Variants in ANKRD11 observed in about 807,000 individuals in gnomAD.
ANKRD11 encodes ankyrin repeat domain 11.
ANKRD11 carries 17 observed loss-of-function variants against 195.7 expected under a neutral mutation model. The ratio of observed to expected loss-of-function variants is 0.09; its 90% confidence interval spans 0.06 to 0.13. The LOEUF is 0.13. ANKRD11 is among the 10% of genes least tolerant of loss of function. The pLI is 1.00. For synonymous variants in ANKRD11, 1,953 were observed against 1,528.1 expected, an observed-to-expected ratio of 1.28 and a Z score of -6.49; for missense variants, 3,735 against 3,566.1, an observed-to-expected ratio of 1.05 and a Z score of -1.21.
At chr16:89,353,078 G>A (rs1232740916) in intron 2 of ANKRD11, among the ~76,000 whole-genome samples, 1 of 152,178 alleles carries the variant, frequency 6.6e-6, no homozygotes, top group African/African-American at 2.4e-5. Flanking sequence ...GGTGGCTCAC[G>A]CCTGTAATTA....
intron 3 of ANKRD11, among the ~76,000 whole-genome samples, chr16:89,308,176 T>C (rs930396092): frequency 1.8e-4 from 27 of 152,214 alleles, no homozygotes; most frequent in Admixed American, 3.3e-4. Flanking sequence ...CTTATGAACA[T>C]AGACAGGATA....
At chr16:89,428,850 T>G (rs2042844315) in intron 1 of ANKRD11, among the ~76,000 whole-genome samples, 1 of 152,128 alleles carries the variant, frequency 6.6e-6, no homozygotes, top group Non-Finnish European at 1.5e-5. Context: ...GCCAAGATCG[T>G]GCCAATGCAT....
At chr16:89,410,878 G>A (rs1416066080) in intron 2 of ANKRD11, among the ~76,000 whole-genome samples, 2 of 152,066 alleles carry the variant, frequency 1.3e-5, no homozygotes, top group African/African-American at 2.4e-5. Flanking sequence ...ACATGTGCGT[G>A]AACACGTGTT....
intron 1 of ANKRD11, among the ~76,000 whole-genome samples, chr16:89,422,747 C>T (rs968959764): frequency 6.6e-6 from 1 of 152,162 alleles, no homozygotes; most frequent in Admixed American, 6.5e-5. Flanking sequence ...TGGAAAGGAA[C>T]GGAAGTTCAA....
intron 2 of ANKRD11, among the ~76,000 whole-genome samples, chr16:89,383,481 T>C (rs2040754343): frequency 6.6e-6 from 1 of 152,186 alleles, no homozygotes; most frequent in Non-Finnish European, 1.5e-5. Context: ...TTCTGTCTCA[T>C]TCAAAACCTC....
intron 9 of ANKRD11, among the ~76,000 whole-genome samples, chr16:89,277,245 C>T (rs1033267449): frequency 5.9e-5 from 9 of 152,150 alleles, no homozygotes; most frequent in African/African-American, 9.7e-5. Context: ...CGAGCTCAAG[C>T]GAATGCACAG....
At chr16:89,370,230 G>A (rs979031544) in intron 2 of ANKRD11, among the ~76,000 whole-genome samples, 6 of 152,342 alleles carry the variant, frequency 3.9e-5, no homozygotes, top group African/African-American at 1.2e-4. Context: ...GGCGAGGGGA[G>A]CCCATGTCCA....
At chr16:89,462,050 CTCTCCCTCTCCCT>C (rs2056691951) in intron 1 of ANKRD11, among the ~76,000 whole-genome samples, 1 of 37,892 alleles carries the variant, frequency 2.6e-5, no homozygotes, top group African/African-American at 6.5e-5. Context: ...CCCTCTCCCC[CTCTCCCTCTCCCT>C]CTCTCCCTCT....
chr16:89,381,354 A>AAAAAAAAAAAAAAAAAAAAAAAAAG (rs1555560066), intron 2 of ANKRD11, among the ~76,000 whole-genome samples: 4 of 125,338 alleles, frequency 3.2e-5, no homozygotes, highest in African/African-American at 1.3e-4. Context: ...AAAAAAAAAA[A>AAAAAAAAAAAAAAAAAAAAAAAAAG]GGGGTGAGAA....
chr16:89,469,855 GC>G, intron 1 of ANKRD11, among the ~76,000 whole-genome samples: 1 of 148,152 alleles, frequency 6.7e-6, no homozygotes, highest in East Asian at 2.2e-4. Flanking sequence ...CCAAGATCGC[GC>G]CCGGAGACAG....
chr16:89,327,081 T>TGCAGAGGTG (rs1567652879), intron 2 of ANKRD11, among the ~76,000 whole-genome samples: 37 of 142,288 alleles, frequency 2.6e-4, no homozygotes, highest in African/African-American at 6.7e-4. Flanking sequence ...ATGCAGAGGT[T>TGCAGAGGTG]GGAAATGCAG....
At chr16:89,425,622 G>A (rs569237267) in intron 1 of ANKRD11, among the ~76,000 whole-genome samples, 1 of 152,280 alleles carries the variant, frequency 6.6e-6, no homozygotes, top group Admixed American at 6.5e-5. Flanking sequence ...TTTCAGGTTG[G>A]GGGCGGACAA....
At chr16:89,290,545 G>A in intron 6 of ANKRD11, 80 bp downstream of exon 6, 2 of 1,481,898 alleles carry the variant, frequency 1.3e-6, no homozygotes, top group Non-Finnish European at 1.9e-6. Flanking sequence ...GCTCCAATGG[G>A]GGGAGGCTCA....
At chr16:89,398,386 GAT>G in intron 2 of ANKRD11, among the ~76,000 whole-genome samples, 2 of 87,400 alleles carry the variant, frequency 2.3e-5, no homozygotes, top group African/African-American at 8.4e-5. Context: ...CTGTGAAACA[GAT>G]GAAGATTACC....
At chr16:89,406,018 G>C (rs763032200) in intron 2 of ANKRD11, among the ~76,000 whole-genome samples, 1 of 150,468 alleles carries the variant, frequency 6.6e-6, no homozygotes, top group African/African-American at 2.5e-5. Context: ...GCTGAGGTGG[G>C]AGAATCACCT....
chr16:89,485,680 A>G (rs902583825), intron 1 of ANKRD11, among the ~76,000 whole-genome samples: 8 of 152,204 alleles, frequency 5.3e-5, no homozygotes, highest in African/African-American at 1.9e-4. Flanking sequence ...CAATTACATA[A>G]CAGTTTCATT....
At chr16:89,426,439 G>A (rs1165947310) in intron 1 of ANKRD11, among the ~76,000 whole-genome samples, 1 of 151,678 alleles carries the variant, frequency 6.6e-6, no homozygotes, top group East Asian at 2.0e-4. Context: ...GAGTTCACAA[G>A]CTCCCTGAGC....
intron 1 of ANKRD11, among the ~76,000 whole-genome samples, chr16:89,435,668 C>A (rs973524178): frequency 6.6e-6 from 1 of 152,024 alleles, no homozygotes; most frequent in Admixed American, 6.6e-5. Flanking sequence ...GAGAACCCAC[C>A]GGAAGGAACC....
intron 1 of ANKRD11, among the ~76,000 whole-genome samples, chr16:89,463,480 G>T (rs149795354): frequency 4.5e-4 from 69 of 152,222 alleles, no homozygotes; most frequent in African/African-American, 1.4e-3. Flanking sequence ...CAGCATACTC[G>T]TTAAGAGTCA....
Sources: gnomAD v4.1 joint callset for allele counts (sites outside exome capture counted in the v4.1 genomes callset) on GRCh38, gnomAD v4.1.1 for gene constraint, MANE v1.5 for transcripts, NCBI Gene and HGNC (gene_info 2026-07-23, HGNC 2026-07-21) for gene names.